Variants in DPYD observed in about 807,000 individuals in gnomAD.
The protein encoded by DPYD is dihydropyrimidine dehydrogenase.
A neutral mutation model predicts 116.2 loss-of-function variants in DPYD; 109 were observed. That is an observed-to-expected ratio of 0.94 (90% CI 0.80 to 1.10). The LOEUF (loss-of-function observed/expected upper bound fraction) is 1.10, where lower values mean the gene tolerates loss of function less well. DPYD is among the 50% of genes least tolerant of loss of function. DPYD has a pLI of 0.00. For synonymous variants in DPYD, 440 were observed against 432.0 expected (o/e 1.02, Z -0.23); for missense variants, 1,302 against 1,254.5 (o/e 1.04, Z -0.57).
At chr1:97,612,773 T>G (rs1209530997) in intron 8 of DPYD, among the ~76,000 whole-genome samples, 1 of 152,020 alleles carries the variant, frequency 6.6e-6, no homozygotes, top group Non-Finnish European at 1.5e-5. Context: ...GCAGTTGGGC[T>G]TGTTTCTTCA....
chr1:97,227,955 T>C (rs947931557), intron 19 of DPYD, among the ~76,000 whole-genome samples: 1 of 151,966 alleles, frequency 6.6e-6, no homozygotes, highest in African/African-American at 2.4e-5. Flanking sequence ...GGTTTTTTCT[T>C]CAATAAAAAT....
intron 14 of DPYD, among the ~76,000 whole-genome samples, chr1:97,407,079 G>A (rs1673699039): frequency 1.3e-5 from 2 of 152,026 alleles, no homozygotes; most frequent in African/African-American, 4.8e-5. Flanking sequence ...CCTTTCAGAG[G>A]CTTTAACAAA....
At chr1:97,700,294 G>T (rs1661527056) in intron 5 of DPYD, 1 of 455,774 alleles carries the variant, frequency 2.2e-6, no homozygotes, top group South Asian at 1.5e-5. Context: ...AATGTAGGAG[G>T]CCATTAACCT....
intron 8 of DPYD, among the ~76,000 whole-genome samples, chr1:97,674,958 T>A (rs903040844): frequency 2.0e-5 from 3 of 152,204 alleles, no homozygotes; most frequent in African/African-American, 7.2e-5. Flanking sequence ...TTACATTGTA[T>A]AGCATTGGCT....
At chr1:97,302,027 T>C (rs1393786935) in intron 18 of DPYD, among the ~76,000 whole-genome samples, 2 of 151,986 alleles carry the variant, frequency 1.3e-5, no homozygotes, top group Non-Finnish European at 1.5e-5. Flanking sequence ...AGGGTTTTTT[T>C]CCAATCAAAT....
At chr1:97,612,532 AATT>A (rs1171061311) in intron 8 of DPYD, among the ~76,000 whole-genome samples, 1 of 152,074 alleles carries the variant, frequency 6.6e-6, no homozygotes, top group African/African-American at 2.4e-5. Context: ...TGCCATCTAA[AATT>A]ATTAACATAT....
chr1:97,163,006 T>G (rs527941190), intron 20 of DPYD, among the ~76,000 whole-genome samples: 255 of 151,592 alleles, frequency 1.7e-3, no homozygotes, highest in African/African-American at 5.9e-3. Context: ...ACTTAAACGT[T>G]AGACCTAAAA....
intron 20 of DPYD, among the ~76,000 whole-genome samples, chr1:97,188,272 T>C (rs956601111): frequency 4.6e-5 from 7 of 152,162 alleles, no homozygotes; most frequent in Non-Finnish European, 1.0e-4. Context: ...CCAATATGTA[T>C]TTCATCATTT....
intron 18 of DPYD, among the ~76,000 whole-genome samples, chr1:97,290,874 G>C (rs1021087446): frequency 6.6e-6 from 1 of 152,038 alleles, no homozygotes; most frequent in East Asian, 1.9e-4. Context: ...CACAGCAAAA[G>C]AAACTACCAT....
chr1:97,542,586 A>T (rs965051139), intron 12 of DPYD, among the ~76,000 whole-genome samples: 7 of 152,098 alleles, frequency 4.6e-5, no homozygotes, highest in African/African-American at 1.7e-4. Context: ...CCTAATACCC[A>T]CATCCAGATG....
chr1:97,108,510 A>G (rs948395342), intron 20 of DPYD, among the ~76,000 whole-genome samples: 3 of 152,174 alleles, frequency 2.0e-5, no homozygotes, highest in Non-Finnish European at 4.4e-5. Context: ...TTCTGAGTCT[A>G]TTAGGCTATA....
intron 12 of DPYD, among the ~76,000 whole-genome samples, chr1:97,519,516 T>C (rs753931695): frequency 2.0e-5 from 3 of 152,074 alleles, no homozygotes; most frequent in Non-Finnish European, 4.4e-5. Flanking sequence ...CTAAAACCCA[T>C]TAAGTGAAGC....
At chr1:97,364,277 G>A (rs1166728483) in intron 16 of DPYD, among the ~76,000 whole-genome samples, 2 of 152,150 alleles carry the variant, frequency 1.3e-5, no homozygotes, top group Admixed American at 6.5e-5. Context: ...TTACAAATAA[G>A]AGAAGAAAGC....
At chr1:97,793,428 T>C (rs1216753557) in intron 3 of DPYD, among the ~76,000 whole-genome samples, 1 of 152,102 alleles carries the variant, frequency 6.6e-6, no homozygotes, top group Non-Finnish European at 1.5e-5. Flanking sequence ...AAAGGAAAAC[T>C]AACTTTGAGA....
chr1:97,561,716 T>C (rs1272399129), intron 11 of DPYD, among the ~76,000 whole-genome samples: 1 of 152,198 alleles, frequency 6.6e-6, no homozygotes, highest in African/African-American at 2.4e-5. Flanking sequence ...GATATGTTTT[T>C]CCACCCTTAC....
At chr1:97,443,828 A>C (rs1314718949) in intron 14 of DPYD, among the ~76,000 whole-genome samples, 1 of 152,238 alleles carries the variant, frequency 6.6e-6, no homozygotes, top group Admixed American at 6.5e-5. Flanking sequence ...AACTTCAAAG[A>C]AATAGAAGCC....
intron 2 of DPYD, among the ~76,000 whole-genome samples, chr1:97,854,786 G>C (rs1049595361): frequency 6.6e-6 from 1 of 152,136 alleles, no homozygotes; most frequent in Admixed American, 6.5e-5. Context: ...ACAAACAAAA[G>C]AGGGTACAGG....
intron 2 of DPYD, among the ~76,000 whole-genome samples, chr1:97,859,600 A>G (rs1671018897): frequency 6.6e-6 from 1 of 152,084 alleles, no homozygotes; most frequent in Admixed American, 6.6e-5. Flanking sequence ...GGTAAACCCT[A>G]TGTGTCCTTC....
intron 15 of DPYD, among the ~76,000 whole-genome samples, chr1:97,378,841 A>AT (rs1260296035): frequency 6.6e-6 from 1 of 152,210 alleles, no homozygotes; most frequent in Non-Finnish European, 1.5e-5. Context: ...GTAGTGGCCA[A>AT]TGACACAACT....
Sources: allele counts gnomAD v4.1 joint callset (sites outside exome capture counted in the v4.1 genomes callset), GRCh38; gene constraint gnomAD v4.1.1; transcripts MANE v1.5; gene names NCBI Gene and HGNC (gene_info 2026-07-23, HGNC 2026-07-21).